Variants in TYW5 observed in about 807,000 individuals in gnomAD.
The protein encoded by TYW5 is tRNA wybutosine-synthesizing protein 5.
A neutral mutation model predicts 44.4 loss-of-function variants in TYW5; 36 were observed. The observed-to-expected ratio is 0.81, with a 90% CI of 0.62 to 1.07. The LOEUF is 1.07. TYW5 is among the 50% of genes least tolerant of loss of function. TYW5 has a pLI of 0.00. For missense variants in TYW5, 354 were observed against 365.7 expected (o/e 0.97, Z 0.26); for synonymous variants, 121 against 128.1 (o/e 0.94, Z 0.37).
intron 7 of TYW5, 82 bp downstream of exon 7, chr2:199,935,849 T>TA (rs371263004): frequency 0.019 from 13,703 of 720,990 alleles, no homozygotes; most frequent in East Asian, 0.029. Context: ...ATATTTGTAC[T>TA]AAAAAAAAAA....
rs998686076 is a variant in TYW5 at position 199,931,050 on chromosome 2, C to G, written c.*2017G>C. 1 of 152,038 alleles carries G rather than the reference C, an allele frequency of 6.6e-6. No individual in the cohort carries two copies. The highest frequency in any genetic ancestry group is 2.4e-5 in the African/African-American group (1 of 41,474). 9.4% of individuals were successfully genotyped at this position (152,038 alleles called of 1,614,324 possible). On this transcript the variant is annotated 3_prime_UTR_variant, in exon 8 of 8. Coordinates refer to ENST00000354611, the MANE Select transcript of TYW5 (RefSeq NM_001039693.3). The stretch of plus-strand genomic sequence containing the variant: ...AAACAGACCCTAATATTAATTATGA[C>G]CAGGGAAATAATTTTAAAACATCCC...
At chr2:199,952,051 A>G (rs1009806901) in intron 1 of TYW5, among the ~76,000 whole-genome samples, 12 of 152,144 alleles carry the variant, frequency 7.9e-5, no homozygotes, top group Non-Finnish European at 1.5e-4. Flanking sequence ...TATCCTAGAA[A>G]TCACCACTTA....
At chr2:199,949,571 G>A (rs1227360571) in intron 1 of TYW5, among the ~76,000 whole-genome samples, 1 of 152,042 alleles carries the variant, frequency 6.6e-6, no homozygotes, top group Non-Finnish European at 1.5e-5. Flanking sequence ...TACCTTCTAT[G>A]ACTTTGACAT....
intron 5 of TYW5, 119 bp from the exon 6 acceptor site, chr2:199,936,611 A>T: frequency 2.7e-6 from 2 of 742,620 alleles, no homozygotes; most frequent in Non-Finnish European, 4.5e-6. Context: ...CTTACTTAAG[A>T]CTCTTACAGT....
chr2:199,951,095 G>C (rs970898745), intron 1 of TYW5, among the ~76,000 whole-genome samples: 1 of 152,118 alleles, frequency 6.6e-6, no homozygotes, highest in Non-Finnish European at 1.5e-5. Context: ...CAATGTTTAA[G>C]ATTAGAAATG....
At position 199,929,913 on chromosome 2, in the gene TYW5, C is replaced by T. The variant is rs2077361274; in HGVS notation, c.*3154G>A. 1 of 151,844 alleles carries T rather than the reference C, an allele frequency of 6.6e-6. No individual in the cohort carries two copies. The allele number at this position is 151,844 out of a possible 1,614,324, so 9.4% of individuals were successfully genotyped here. On this transcript the variant is annotated 3_prime_UTR_variant, in exon 8 of 8. Coordinates refer to ENST00000354611, the MANE Select transcript of TYW5 (RefSeq NM_001039693.3). ...CTTCAAGCACTCCTCCTGCCTCAGC[C>T]TCCCAAGATGCTGGGACTACAGGTG...
Position 199,936,048 on chromosome 2 carries a change from C to G in TYW5, c.575-1G>C. On this transcript the variant is annotated splice_acceptor_variant, in intron 6 of 7. Transcript: ENST00000354611. LOFTEE classifies it high-confidence loss of function. Reference sequence around the variant, plus strand: ...ATATTCAGTACTTCTGATTTAGTACCTAAAAAGTTCCAAAAAGGGATAATA... The same window carrying G: ...ATATTCAGTACTTCTGATTTAGTACGTAAAAAGTTCCAAAAAGGGATAATA... The G allele has an allele frequency of 1.3e-6, 2 of 1,547,266 alleles. No individual in the cohort carries two copies. Among genetic ancestry groups the G allele is most frequent in the South Asian group, 2.3e-5 (2 of 86,818 alleles).
chr2:199,953,629 T>G (rs1397331183), intron 1 of TYW5, among the ~76,000 whole-genome samples: 2 of 152,226 alleles, frequency 1.3e-5, no homozygotes, highest in Non-Finnish European at 2.9e-5. Context: ...GGTCTATCTA[T>G]TCATGTACCT....
rs935644206 is a variant in TYW5, at chr2:199,932,819, A to G, written c.*248T>C. 7 of 470,176 alleles carry G rather than the reference A, an allele frequency of 1.5e-5. No individual in the cohort carries two copies. In the Admixed American group the frequency reaches 2.0e-4, roughly 13 times the overall value. 29.1% of individuals were successfully genotyped at this position (470,176 alleles called of 1,614,324 possible). A position where few individuals can be genotyped will look rare whatever the true frequency, so the allele number is the denominator to read the frequency against. ...TAGATTTCATGTATTGTGAATCAAT[A>G]TATTTTCTTACTGTTTTTAAGTCAT... On this transcript the variant is annotated 3_prime_UTR_variant, in exon 8 of 8. Coordinates refer to ENST00000354611, the MANE Select transcript of TYW5 (RefSeq NM_001039693.3).
chr2:199,954,802 A>C (rs2077581067), intron 1 of TYW5, among the ~76,000 whole-genome samples: 1 of 152,232 alleles, frequency 6.6e-6, no homozygotes, highest in Non-Finnish European at 1.5e-5. Context: ...TTCCTACCAT[A>C]AACTGACTTA....
At position 199,936,490 on chromosome 2, in the gene TYW5, T is replaced by C; in HGVS notation, c.489A>G (p.Val163=). 1 of 1,612,246 alleles carries C rather than the reference T, an allele frequency of 6.2e-7. No homozygotes were observed. The change falls in exon 6 of 8, where the codon GTA becomes GTG. Residue 163 remains valine, a splice_region_variant and synonymous_variant. Coordinates refer to ENST00000354611, the MANE Select transcript of TYW5 (RefSeq NM_001039693.3). ...PGLQLWTHYD[V]MDNLLIQVTG... is the part of the protein sequence containing the mutation. ...TCACTTGTATTAACAAATTATCCAT[T>C]ACCTGAAGACCAATAAAAGCTTATG...
At chr2:199,951,220 C>T (rs1219061070) in intron 1 of TYW5, among the ~76,000 whole-genome samples, 3 of 152,140 alleles carry the variant, frequency 2.0e-5, no homozygotes, top group Admixed American at 2.0e-4. Flanking sequence ...CATTATAGGT[C>T]ATTTCCCTTA....
intron 3 of TYW5, chr2:199,942,800 C>G (rs2077475301): frequency 6.6e-6 from 1 of 152,022 alleles, no homozygotes; most frequent in South Asian, 2.1e-4. Context: ...ATGCAGAAAA[C>G]AGCTTCATTC....
At chr2:199,948,620 T>C in intron 1 of TYW5, 148 bp from the exon 2 acceptor site, 1 of 711,318 alleles carries the variant, frequency 1.4e-6, no homozygotes, top group Non-Finnish European at 2.3e-6. Flanking sequence ...GTTCATGCTG[T>C]CACTAAAACA....
In TYW5 at chr2:199,929,022, C is replaced by T. The variant is rs1559296820; in HGVS notation, c.*4045G>A. On this transcript the variant is annotated 3_prime_UTR_variant, in exon 8 of 8. Coordinates refer to ENST00000354611, the MANE Select transcript of TYW5 (RefSeq NM_001039693.3). ...TCACTTGAAGTTCTTAAGAGAAAAA[C>T]ATAAGAGGAGATATAGACAGACCTC... 6.6e-6 allele frequency among the ~76,000 whole-genome samples: 1 copy of T among 152,054 alleles called. No individual in the cohort carries two copies. Among genetic ancestry groups the T allele is most frequent in the African/African-American group, 2.4e-5 (1 of 41,408 alleles).
At chr2:199,939,481 C>T (rs942798034) in intron 4 of TYW5, among the ~76,000 whole-genome samples, 1 of 152,164 alleles carries the variant, frequency 6.6e-6, no homozygotes, top group Non-Finnish European at 1.5e-5. Context: ...TACTGTTAAG[C>T]TCAATATGCT....
At chr2:199,939,602 A>G (rs1469742774) in intron 4 of TYW5, among the ~76,000 whole-genome samples, 2 of 152,164 alleles carry the variant, frequency 1.3e-5, no homozygotes, top group Non-Finnish European at 2.9e-5. Context: ...ACCTACATAA[A>G]ACCTGTGAAT....
chr2:199,951,534 C>T (rs1390665205), intron 1 of TYW5, among the ~76,000 whole-genome samples: 2 of 152,108 alleles, frequency 1.3e-5, no homozygotes, highest in Admixed American at 6.6e-5. Context: ...ACAAAAGTCA[C>T]CCCATCCACA....
chr2:199,954,108 CTTT>C (rs71019097), intron 1 of TYW5, among the ~76,000 whole-genome samples: 5 of 148,182 alleles, frequency 3.4e-5, no homozygotes, highest in Admixed American at 6.7e-5. Context: ...CCAACCCCGC[CTTT>C]TTTTTTTTTA....
Sources: gnomAD v4.1 joint callset for allele counts (sites outside exome capture counted in the v4.1 genomes callset) on GRCh38, gnomAD v4.1.1 for gene constraint, MANE v1.5 for transcripts, NCBI Gene and HGNC (gene_info 2026-07-23, HGNC 2026-07-21) for gene names.